Variants in UNC13C observed in about 807,000 individuals in gnomAD.
UNC13C encodes the protein unc-13 homolog C, also known as protein unc-13 homolog C.
Under a neutral mutation model 245.4 loss-of-function variants are expected in UNC13C, and 174 were observed. The ratio of observed to expected loss-of-function variants is 0.71; its 90% CI spans 0.63 to 0.80. UNC13C has a LOEUF of 0.80. Among genes scored for constraint, UNC13C ranks in the 30% least tolerant of loss-of-function variants. The pLI, the probability that UNC13C is intolerant of heterozygous loss-of-function variation, is 0.00. For missense variants in UNC13C, 2,829 were observed against 2,602.9 expected (o/e 1.09, Z -1.89); for synonymous variants, 992 against 895.1 (o/e 1.11, Z -1.93).
chr15:54,011,436 T>C (rs80337644), intron 1 of UNC13C, among the ~76,000 whole-genome samples: 193 of 152,296 alleles, frequency 1.3e-3, no homozygotes, highest in South Asian at 7.3e-3. Flanking sequence ...AGATTTTGGA[T>C]TGAGTGATGG....
intron 30 of UNC13C, among the ~76,000 whole-genome samples, chr15:54,589,286 CTTCTT>C (rs1898648967): frequency 1.3e-5 from 1 of 77,922 alleles, no homozygotes; most frequent in Non-Finnish European, 2.6e-5. Flanking sequence ...TCTTCTTCTT[CTTCTT>C]TTTTTTTTTT....
intron 14 of UNC13C, among the ~76,000 whole-genome samples, chr15:54,330,123 G>C (rs1205432524): frequency 2.6e-5 from 4 of 152,028 alleles, no homozygotes; most frequent in East Asian, 1.9e-4. Flanking sequence ...GAGGCTATTA[G>C]AGTTTTAGGT....
Position 54,250,281 on chromosome 15 carries a change from C to A in UNC13C, c.3285C>A (p.Thr1095=), listed in dbSNP as rs1292633340. ...CACTGATCTACCCTATGTCTTCTAC[C>A]ATCCCACACAATTTTGAGGTCTGGA... ...LQALIYPMSS[T]IPHNFEVWTA... Residue 1095 remains threonine, a synonymous_variant, in exon 8 of 33, where the codon ACC becomes ACA. Coordinates refer to ENST00000260323, the MANE Select transcript of UNC13C (RefSeq NM_001080534.3). The A allele has an allele frequency of 6.2e-7, 1 of 1,613,796 alleles. No homozygotes were observed. Among genetic ancestry groups the A allele is most frequent in the African/African-American group, 1.3e-5 (1 of 74,890 alleles).
intron 1 of UNC13C, among the ~76,000 whole-genome samples, chr15:53,987,543 G>A (rs1252979707): frequency 6.6e-6 from 1 of 151,882 alleles, no homozygotes; most frequent in Non-Finnish European, 1.5e-5. Flanking sequence ...TGTTGTTGTT[G>A]TTGTTGTTGT....
chr15:54,463,679 C>T (rs779902589), intron 19 of UNC13C, among the ~76,000 whole-genome samples: 3 of 152,244 alleles, frequency 2.0e-5, no homozygotes, highest in Non-Finnish European at 4.4e-5. Flanking sequence ...CTGGGCACAC[C>T]ATCTTTAAGA....
the UNC13C span, among the ~76,000 whole-genome samples, chr15:53,896,150 T>C: frequency 7.2e-5 from 11 of 152,016 alleles, no homozygotes; most frequent in Non-Finnish European, 1.3e-4. Flanking sequence ...GTCATCTTCA[T>C]GAATACATTT....
intron 2 of UNC13C, among the ~76,000 whole-genome samples, chr15:54,027,872 T>C (rs771036192): frequency 5.9e-5 from 9 of 151,766 alleles, no homozygotes; most frequent in Non-Finnish European, 1.3e-4. Context: ...TAGAAGGAAG[T>C]AGTGCTCTGT....
At chr15:53,971,195 G>T in the UNC13C span, among the ~76,000 whole-genome samples, 772 of 152,216 alleles carry the variant, frequency 5.1e-3, 12 homozygotes, top group Non-Finnish European at 6.3e-3. Context: ...CCACACAATG[G>T]ATAAATGACA....
At chr15:54,392,740 G>A (rs932702315) in intron 17 of UNC13C, among the ~76,000 whole-genome samples, 1 of 150,666 alleles carries the variant, frequency 6.6e-6, no homozygotes, top group African/African-American at 2.5e-5. Flanking sequence ...AATTCTTAAG[G>A]TCATGAACTT....
At chr15:54,441,958 T>C (rs1023156417) in intron 19 of UNC13C, among the ~76,000 whole-genome samples, 9 of 151,996 alleles carry the variant, frequency 5.9e-5, no homozygotes, top group Non-Finnish European at 1.3e-4. Flanking sequence ...TGGGATTTTC[T>C]TCTTTCTTTT....
chr15:53,891,492 G>C, the UNC13C span, among the ~76,000 whole-genome samples: 2 of 152,130 alleles, frequency 1.3e-5, no homozygotes, highest in Admixed American at 6.5e-5. Flanking sequence ...CATTGTGTGG[G>C]AGTCTAAGTC....
In UNC13C at chr15:54,250,461, G is replaced by A. The variant is rs767336470; in HGVS notation, c.3448+17G>A. ...GCTTGCAGAGTGAGTACTTGGTTTGGCTGAAAAAGTGGTATGCAGAGCCTG... is the reference window on the plus strand; with the variant it reads ...GCTTGCAGAGTGAGTACTTGGTTTGACTGAAAAAGTGGTATGCAGAGCCTG... On this transcript the variant is annotated intron_variant, in intron 8 of 32. Transcript: ENST00000260323. 1.3e-6 allele frequency: 2 copies of A among 1,584,494 alleles called. No individual in the cohort carries two copies. Among genetic ancestry groups the A allele is most frequent in the East Asian group, 2.2e-5 (1 of 44,530 alleles).
At chr15:54,276,468 A>G (rs1032162248) in intron 10 of UNC13C, among the ~76,000 whole-genome samples, 1 of 152,088 alleles carries the variant, frequency 6.6e-6, no homozygotes, top group Non-Finnish European at 1.5e-5. Flanking sequence ...AGTGATCCTG[A>G]CCACCACCAT....
chr15:54,405,021 A>G (rs539830282), intron 18 of UNC13C, among the ~76,000 whole-genome samples: 2 of 152,190 alleles, frequency 1.3e-5, no homozygotes, highest in Non-Finnish European at 2.9e-5. Flanking sequence ...AATGGAATCT[A>G]AATAATATTT....
Position 54,008,465 on chromosome 15 carries a change from C to T in UNC13C, c.-256-4183C>T, listed in dbSNP as rs368177555. The stretch of plus-strand genomic sequence containing the variant: ...TGTTATTACTAAGGCTTCCTATAAC[C>T]GCATAGTCTATTGTTTTAATCTCTT... On this transcript the variant is annotated intron_variant, in intron 1 of 32. Coordinates refer to ENST00000260323, the MANE Select transcript of UNC13C (RefSeq NM_001080534.3). Among the ~76,000 whole-genome samples, 35 of 152,138 alleles carry T rather than the reference C, an allele frequency of 2.3e-4. No individual in the cohort carries two copies. The South Asian group carries it at 6.6e-3, about 29-fold the overall frequency.
At chr15:54,273,043 A>C (rs764276469) in intron 10 of UNC13C, among the ~76,000 whole-genome samples, 21 of 152,196 alleles carry the variant, frequency 1.4e-4, no homozygotes, top group Non-Finnish European at 2.8e-4. Context: ...ATCTTTAGGG[A>C]GCAGTTGGGG....
intron 4 of UNC13C, among the ~76,000 whole-genome samples, chr15:54,184,565 G>A (rs542048235): frequency 1.3e-5 from 2 of 152,140 alleles, no homozygotes; most frequent in Non-Finnish European, 2.9e-5. Flanking sequence ...ATGGTTTCCA[G>A]CTTCATCCAT....
At chr15:54,447,461 G>C (rs7164835) in intron 19 of UNC13C, among the ~76,000 whole-genome samples, 13,554 of 152,124 alleles carry the variant, frequency 0.089, 754 homozygotes, top group African/African-American at 0.16. Flanking sequence ...CCTGTTATTG[G>C]TCTATTCAGA....
chr15:53,869,172 A>G, the UNC13C span, among the ~76,000 whole-genome samples: 1 of 152,268 alleles, frequency 6.6e-6, no homozygotes, highest in Admixed American at 6.5e-5. Context: ...TAGACCCTGG[A>G]TCATGATCTG....
Sources: gnomAD v4.1 joint callset for allele counts (sites outside exome capture counted in the v4.1 genomes callset) on GRCh38, gnomAD v4.1.1 for gene constraint, MANE v1.5 for transcripts, NCBI Gene and HGNC (gene_info 2026-07-23, HGNC 2026-07-21) for gene names.